IL1RAP: variants seen among roughly 807,000 people sequenced by gnomAD.
The protein encoded by IL1RAP is interleukin 1 receptor accessory protein.
A neutral mutation model predicts 60.7 loss-of-function variants in IL1RAP; 35 were observed. That is an observed-to-expected ratio of 0.58 (90% CI 0.44 to 0.76). IL1RAP has a LOEUF of 0.76. Ranked by LOEUF, IL1RAP falls within the 30% of genes least tolerant of loss-of-function variation. The pLI is 0.00. For missense variants in IL1RAP, 572 were observed against 693.9 expected (o/e 0.82, Z 1.97); for synonymous variants, 268 against 250.9 (o/e 1.07, Z -0.64).
chr3:190,654,847 A>G (rs2108874658), downstream of IL1RAP, among the ~76,000 whole-genome samples: 1 of 152,332 alleles, frequency 6.6e-6, no homozygotes, highest in African/African-American at 2.4e-5. Flanking sequence ...GGCATGTTCT[A>G]AGCTCCTAAA....
In IL1RAP at chr3:190,595,198, C is replaced by T. The variant is rs147605914; in HGVS notation, c.65-8930C>T. ...CTTTGTTTTGTTTGCCAGTGCATCC[C>T]AAGCACCCATTTAGTATTTGGCACA... On this transcript the variant is annotated intron_variant, in intron 3 of 11. Coordinates refer to ENST00000447382, the MANE Select transcript of IL1RAP (RefSeq NM_002182.4). Among the ~76,000 whole-genome samples, 106 of 152,312 alleles carry T rather than the reference C, an allele frequency of 7.0e-4. No individual in the cohort carries two copies. In the Middle Eastern group the frequency reaches 0.014, roughly 20 times the overall value.
chr3:190,624,584 TA>T (rs1732067100), intron 7 of IL1RAP: 1 of 155,624 alleles, frequency 6.4e-6, no homozygotes, highest in Non-Finnish European at 1.4e-5. Context: ...AGTCAGTTGT[TA>T]ATGGGTGAAA....
At chr3:190,538,698 A>T (rs915977933) in intron 1 of IL1RAP, among the ~76,000 whole-genome samples, 1 of 152,100 alleles carries the variant, frequency 6.6e-6, no homozygotes, top group African/African-American at 2.4e-5. Context: ...GTTTGGCTGT[A>T]TCCCACCTAA....
At chr3:190,656,105 T>G, downstream of IL1RAP, 1 of 1,537,286 alleles carries the variant, frequency 6.5e-7, no homozygotes, top group Non-Finnish European at 8.7e-7. Context: ...TCTGTGTCTT[T>G]TGTGAGCTGG....
rs767617869 is a variant in IL1RAP, at chr3:190,574,783, C to T, written c.64+10430C>T. Among the ~76,000 whole-genome samples, 121 of 152,186 alleles carry T rather than the reference C, an allele frequency of 8.0e-4. 1 individual carries two copies. The highest frequency in any genetic ancestry group is 3.2e-3 in the Admixed American group (49 of 15,284). On this transcript the variant is annotated intron_variant, in intron 3 of 11. Transcript: ENST00000447382. The stretch of plus-strand genomic sequence containing the variant: ...GGTGGAGCTGGAATGTTTTATCTTT[C>T]TCGGAAACGATCACTTTTTGTGTGT...
chr3:190,620,360 G>A lies in IL1RAP; in HGVS notation c.623G>A (p.Gly208Glu). Residue 208 changes from glycine (G) to glutamate (E), a missense_variant, in exon 6 of 12, where the codon GGA (glycine) becomes GAA (glutamate). Transcript: ENST00000447382. ...CTCATTGCCTTAATTTCAAATAATG[G>A]AAATTACACATGTGTTGTTACATAT... ...SFLIALISNN[G>E]NYTCVVTYPE... The A allele has an allele frequency of 6.2e-7, 1 of 1,611,222 alleles. No homozygotes were observed. Among genetic ancestry groups the A allele is most frequent in the Non-Finnish European group, 8.5e-7 (1 of 1,178,164 alleles).
chr3:190,519,462 C>A (rs1343291853), intron 1 of IL1RAP, among the ~76,000 whole-genome samples: 2 of 152,040 alleles, frequency 1.3e-5, no homozygotes, highest in Non-Finnish European at 2.9e-5. Flanking sequence ...ATAGACTTGC[C>A]CAAGGTTTCC....
At chr3:190,599,635 CTTCAG>C (rs1729681127) in intron 3 of IL1RAP, among the ~76,000 whole-genome samples, 1 of 149,246 alleles carries the variant, frequency 6.7e-6, no homozygotes, top group Non-Finnish European at 1.5e-5. Flanking sequence ...AGGTTGTATA[CTTCAG>C]TTCTCAGATT....
At chr3:190,604,522 G>T in intron 4 of IL1RAP, 109 bp downstream of exon 4, 1 of 1,131,268 alleles carries the variant, frequency 8.8e-7, no homozygotes, top group Non-Finnish European at 1.2e-6. Flanking sequence ...CATTTAGATA[G>T]AGTTTAGTGA....
chr3:190,654,922 CTT>C (rs1221860648), downstream of IL1RAP, among the ~76,000 whole-genome samples: 1 of 152,204 alleles, frequency 6.6e-6, no homozygotes, highest in East Asian at 1.9e-4. Flanking sequence ...TCCAAATCCA[CTT>C]TGATACCATT....
At chr3:190,645,310 C>T (rs1392299668) in intron 10 of IL1RAP, among the ~76,000 whole-genome samples, 2 of 152,142 alleles carry the variant, frequency 1.3e-5, no homozygotes, top group Admixed American at 1.3e-4. Context: ...ATAATTCAGG[C>T]AGTTTCACAA....
At chr3:190,618,131 G>A (rs1259019169) in intron 5 of IL1RAP, among the ~76,000 whole-genome samples, 1 of 152,098 alleles carries the variant, frequency 6.6e-6, no homozygotes, top group Non-Finnish European at 1.5e-5. Context: ...ACAGGTTCAG[G>A]GCTGCTATAT....
At chr3:190,618,780 G>A (rs1731505510) in intron 5 of IL1RAP, among the ~76,000 whole-genome samples, 1 of 152,108 alleles carries the variant, frequency 6.6e-6, no homozygotes, top group South Asian at 2.1e-4. Context: ...GTGTCTACAA[G>A]TATTGCTTAT....
intron 2 of IL1RAP, among the ~76,000 whole-genome samples, chr3:190,562,321 C>T (rs1477152340): frequency 1.3e-5 from 2 of 151,920 alleles, no homozygotes; most frequent in Admixed American, 6.6e-5. Context: ...TTCAATAACA[C>T]TTATCTGTTC....
intron 1 of IL1RAP, among the ~76,000 whole-genome samples, chr3:190,527,045 A>G (rs1722570678): frequency 6.6e-6 from 1 of 152,196 alleles, no homozygotes; most frequent in African/African-American, 2.4e-5. Flanking sequence ...CAGCACTTCC[A>G]ACCTTGCCTG....
chr3:190,542,523 A>T (rs977347414), intron 1 of IL1RAP, among the ~76,000 whole-genome samples: 2 of 152,172 alleles, frequency 1.3e-5, no homozygotes, highest in Non-Finnish European at 2.9e-5. Context: ...TACTTAACAT[A>T]TGGCAGAAAT....
intron 9 of IL1RAP, among the ~76,000 whole-genome samples, chr3:190,630,438 C>T (rs975021420): frequency 4.6e-5 from 7 of 152,096 alleles, no homozygotes; most frequent in African/African-American, 1.7e-4. Flanking sequence ...CCTCCTGGCT[C>T]CTAGTCTATA....
intron 3 of IL1RAP, among the ~76,000 whole-genome samples, chr3:190,600,854 G>A (rs1299093436): frequency 5.9e-5 from 9 of 152,164 alleles, no homozygotes; most frequent in Admixed American, 5.9e-4. Flanking sequence ...CCAGTTCTCT[G>A]CTGCTGGTTT....
chr3:190,575,096 T>C (rs58346837), intron 3 of IL1RAP, among the ~76,000 whole-genome samples: 8,457 of 152,258 alleles, frequency 0.056, 767 homozygotes, highest in African/African-American at 0.19. Context: ...ACCTTTGTGA[T>C]TTAATAGAAA....
Sources: gnomAD v4.1 joint callset for allele counts (sites outside exome capture counted in the v4.1 genomes callset) on GRCh38, gnomAD v4.1.1 for gene constraint, MANE v1.5 for transcripts, NCBI Gene and HGNC (gene_info 2026-07-23, HGNC 2026-07-21) for gene names.